The following MACROD2 variants were observed in gnomAD, a reference collection of about 807,000 sequenced individuals.
The protein encoded by MACROD2 is mono-ADP ribosylhydrolase 2, also known as ADP-ribose glycohydrolase MACROD2.
A neutral mutation model predicts 70.4 loss-of-function variants in MACROD2; 36 were observed. That is an observed-to-expected ratio of 0.51 (90% CI 0.39 to 0.68). The LOEUF (loss-of-function observed/expected upper bound fraction) is 0.68, where lower values mean the gene tolerates loss of function less well. MACROD2 is among the 30% of genes least tolerant of loss of function. The pLI is 0.00. For missense variants in MACROD2, 496 were observed against 538.4 expected (o/e 0.92, Z 0.78); for synonymous variants, 172 against 178.8 (o/e 0.96, Z 0.30).
intron 10 of MACROD2, among the ~76,000 whole-genome samples, chr20:15,921,221 C>CGTT (rs1568641761): frequency 6.6e-6 from 1 of 152,166 alleles, no homozygotes; most frequent in Non-Finnish European, 1.5e-5. Context: ...CCACTCCATT[C>CGTT]GTTGTCTGCT....
At chr20:15,063,915 G>A (rs1200981565) in intron 5 of MACROD2, among the ~76,000 whole-genome samples, 1 of 152,126 alleles carries the variant, frequency 6.6e-6, no homozygotes, top group Admixed American at 6.5e-5. Context: ...ATAATCTGTA[G>A]CCATGATTTG....
chr20:14,994,306 A>C lies in MACROD2; in HGVS notation c.419-235634A>C, dbSNP rs555983952. On this transcript the variant is annotated intron_variant, in intron 5 of 17. Coordinates refer to ENST00000684519, the MANE Select transcript of MACROD2 (RefSeq NM_001351661.2). ...TCTGCAAGCAGAAAAGGGATGCCCAACAGGAGCTGTGGGCTTCAAGGGATG... is the reference window on the plus strand; with the variant it reads ...TCTGCAAGCAGAAAAGGGATGCCCACCAGGAGCTGTGGGCTTCAAGGGATG... Among the ~76,000 whole-genome samples, 40 of 152,274 alleles carry C rather than the reference A, an allele frequency of 2.6e-4. 2 individuals are homozygous for C. The highest frequency in any genetic ancestry group is 2.0e-3 in the Admixed American group (31 of 15,286).
intron 6 of MACROD2, among the ~76,000 whole-genome samples, chr20:15,394,967 C>T (rs2045841829): frequency 1.3e-5 from 2 of 152,318 alleles, no homozygotes; most frequent in South Asian, 4.1e-4. Context: ...TAATGTCCAT[C>T]AAAGGTGAAC....
At chr20:14,212,895 C>G (rs949345296) in intron 3 of MACROD2, among the ~76,000 whole-genome samples, 3 of 151,786 alleles carry the variant, frequency 2.0e-5, no homozygotes, top group Non-Finnish European at 4.4e-5. Context: ...TGTGTGACTG[C>G]TGTTGTGGCA....
At chr20:15,095,738 C>T (rs1369768160) in intron 5 of MACROD2, among the ~76,000 whole-genome samples, 1 of 151,896 alleles carries the variant, frequency 6.6e-6, no homozygotes, top group African/African-American at 2.4e-5. Flanking sequence ...GGGATGGTCT[C>T]GATCTCCTGA....
chr20:15,203,834 GTTAAA>G (rs1183505757), intron 5 of MACROD2, among the ~76,000 whole-genome samples: 1 of 152,086 alleles, frequency 6.6e-6, no homozygotes, highest in East Asian at 1.9e-4. Context: ...AAAATCCTAT[GTTAAA>G]TTAATAATCT....
intron 3 of MACROD2, among the ~76,000 whole-genome samples, chr20:14,327,951 A>G (rs2082765391): frequency 6.6e-6 from 1 of 152,058 alleles, no homozygotes; most frequent in Admixed American, 6.6e-5. Context: ...TTGGAATATT[A>G]TTTCTTATAT....
At chr20:15,417,014 T>C (rs2046161351) in intron 6 of MACROD2, among the ~76,000 whole-genome samples, 1 of 152,204 alleles carries the variant, frequency 6.6e-6, no homozygotes, top group East Asian at 1.9e-4. Context: ...ATTGCCCAGT[T>C]TGTTGAGAGA....
At chr20:16,028,327 G>A (rs73111735) in intron 15 of MACROD2, among the ~76,000 whole-genome samples, 17,642 of 151,912 alleles carry the variant, frequency 0.12, 1,249 homozygotes, top group Middle Eastern at 0.18. Context: ...GAGGGCAGAG[G>A]TGTGCCTCAT....
intron 5 of MACROD2, among the ~76,000 whole-genome samples, chr20:15,002,657 C>A (rs1338038910): frequency 6.6e-6 from 1 of 152,052 alleles, no homozygotes; most frequent in Non-Finnish European, 1.5e-5. Flanking sequence ...GTGAGGTAAC[C>A]TAAATGAGCA....
rs76931578 is a variant in MACROD2, at chr20:15,082,817, G to A, written c.419-147123G>A. On this transcript the variant is annotated intron_variant, in intron 5 of 17. Transcript: ENST00000684519. ...TCTCACTGAGAATTCTCTTTGATAGGGTGGATTTTCTGCAATAGAAATAAC... is the reference window on the plus strand; with the variant it reads ...TCTCACTGAGAATTCTCTTTGATAGAGTGGATTTTCTGCAATAGAAATAAC... Among the ~76,000 whole-genome samples the A allele has an allele frequency of 4.7e-3, 712 of 151,912 alleles. 4 individuals are homozygous for A. Among genetic ancestry groups the A allele is most frequent in the Middle Eastern group, 0.021 (6 of 292 alleles).
At chr20:14,400,457 A>G (rs554983150) in intron 3 of MACROD2, among the ~76,000 whole-genome samples, 1 of 152,192 alleles carries the variant, frequency 6.6e-6, no homozygotes, top group Non-Finnish European at 1.5e-5. Context: ...TGTGCTGATC[A>G]GTACTAAGCT....
chr20:15,385,199 C>T (rs2045696879), intron 6 of MACROD2, among the ~76,000 whole-genome samples: 1 of 152,092 alleles, frequency 6.6e-6, no homozygotes, highest in South Asian at 2.1e-4. Context: ...CAAGTTCATG[C>T]AAGCACCCTG....
At chr20:14,402,196 A>G (rs1257373357) in intron 3 of MACROD2, among the ~76,000 whole-genome samples, 1 of 152,180 alleles carries the variant, frequency 6.6e-6, no homozygotes, top group Non-Finnish European at 1.5e-5. Context: ...ATTAAAAATT[A>G]TGAACTCTGA....
chr20:15,237,162 CACCAAGAT>C (rs775670053), intron 6 of MACROD2, among the ~76,000 whole-genome samples: 3 of 152,218 alleles, frequency 2.0e-5, no homozygotes, highest in Non-Finnish European at 4.4e-5. Flanking sequence ...TGTTTATAAA[CACCAAGAT>C]ACATCAAAAC....
intron 8 of MACROD2, among the ~76,000 whole-genome samples, chr20:15,612,808 T>G (rs370397432): frequency 6.6e-6 from 1 of 152,212 alleles, no homozygotes; most frequent in East Asian, 1.9e-4. Context: ...GTTAAACATC[T>G]TAGGCTTCTG....
At chr20:14,182,202 A>G (rs1472992354) in intron 3 of MACROD2, among the ~76,000 whole-genome samples, 1 of 152,210 alleles carries the variant, frequency 6.6e-6, no homozygotes, top group Non-Finnish European at 1.5e-5. Context: ...GTAGTATTAC[A>G]CTGTGTATTT....
In MACROD2 at chr20:15,990,237, G is replaced by A. The variant is rs117038131; in HGVS notation, c.1153+3079G>A. ...CACATATGAAATCCAGTCGAATAAC[G>A]TCATTTAGGTTAATAACCAAATAGG... On this transcript the variant is annotated intron_variant, in intron 15 of 17. Transcript: ENST00000684519. Among the ~76,000 whole-genome samples, 1,004 of 152,166 alleles carry A rather than the reference G, an allele frequency of 6.6e-3. 5 individuals are homozygous for A. Among genetic ancestry groups the A allele is most frequent in the Non-Finnish European group, 0.012 (797 of 67,992 alleles).
intron 5 of MACROD2, among the ~76,000 whole-genome samples, chr20:14,741,424 G>T (rs1329410887): frequency 5.3e-5 from 8 of 152,236 alleles, no homozygotes; most frequent in Non-Finnish European, 1.2e-4. Flanking sequence ...TGTGAGGTTG[G>T]TGTTAGATAT....
Sources: allele counts gnomAD v4.1 joint callset (sites outside exome capture counted in the v4.1 genomes callset), GRCh38; gene constraint gnomAD v4.1.1; transcripts MANE v1.5; gene names NCBI Gene and HGNC (gene_info 2026-07-23, HGNC 2026-07-21).